CACNA1B: variants seen among roughly 807,000 people sequenced by gnomAD.
CACNA1B encodes voltage-dependent N-type calcium channel subunit alpha-1B.
In CACNA1B, 70 loss-of-function variants were observed where a neutral mutation model predicts 247.2. The ratio of observed to expected loss-of-function variants is 0.28; its 90% CI spans 0.23 to 0.35. The LOEUF (loss-of-function observed/expected upper bound fraction) is 0.35, where lower values mean the gene tolerates loss of function less well. Among genes scored for constraint, CACNA1B ranks in the 10% least tolerant of loss-of-function variants. The pLI is 1.00. For missense variants in CACNA1B, 2,367 were observed against 3,197.4 expected (o/e 0.74, Z 6.26); for synonymous variants, 1,231 against 1,294.4 (o/e 0.95, Z 1.05).
intron 3 of CACNA1B, among the ~76,000 whole-genome samples, chr9:137,910,126 A>G (rs1957344094): frequency 6.6e-6 from 1 of 152,116 alleles, no homozygotes; most frequent in Admixed American, 6.5e-5. Context: ...TTTGATGTTT[A>G]CTTCCCTAAT....
intron 6 of CACNA1B, among the ~76,000 whole-genome samples, chr9:137,925,996 C>T (rs1054725668): frequency 4.0e-4 from 60 of 151,102 alleles, no homozygotes; most frequent in Middle Eastern, 3.4e-3. Context: ...CCTCATGATC[C>T]GCCCACCTCG....
rs1470371862 is a variant in CACNA1B, at chr9:137,917,021, G to C, written c.776-220G>C. Among the ~76,000 whole-genome samples the C allele has an allele frequency of 1.3e-5, 2 of 152,140 alleles. No homozygotes were observed. The highest frequency in any genetic ancestry group is 4.8e-5 in the African/African-American group (2 of 41,434). Reference sequence around the variant, plus strand: ...AGGTTCCAGTAGGAGGGAGAGGCCAGCCGTTACTCCCTGAGTTGGTCACTC... The same window carrying C: ...AGGTTCCAGTAGGAGGGAGAGGCCACCCGTTACTCCCTGAGTTGGTCACTC... On this transcript the variant is annotated intron_variant, in intron 5 of 46. Transcript: ENST00000371372. This position sits in a 1 kb window ranked among gnomAD's most constrained non-coding sequence, Gnocchi z 5.5.
rs1199989978 is a variant in CACNA1B at position 138,058,928 on chromosome 9, T to C, written c.4474-151T>C. 1.4e-5 allele frequency: 10 copies of C among 711,784 alleles called. No individual in the cohort carries two copies. The East Asian group carries it at 2.7e-4, about 19-fold the overall frequency. 44.1% of individuals were successfully genotyped at this position (711,784 alleles called of 1,614,324 possible). ...CTGTGGGCTGGGACAGTGGGGAGGT[T>C]CTGGGAGGACTCGGGGAGAGCAGGA... is the stretch of plus-strand genomic sequence containing the variant. On this transcript the variant is annotated intron_variant, in intron 29 of 46. Transcript: ENST00000371372. The surrounding 1 kb of genome is among the most constrained non-coding windows in gnomAD (Gnocchi z 4.7).
chr9:138,000,323 C>T (rs1184931869), intron 15 of CACNA1B, among the ~76,000 whole-genome samples: 1 of 152,040 alleles, frequency 6.6e-6, no homozygotes, highest in Non-Finnish European at 1.5e-5. Flanking sequence ...TGGTCTCGAT[C>T]TCCTGACCTC....
At chr9:137,997,325 C>G in intron 15 of CACNA1B, among the ~76,000 whole-genome samples, 1 of 151,662 alleles carries the variant, frequency 6.6e-6, no homozygotes, top group East Asian at 1.9e-4. Flanking sequence ...CACAGTAGAA[C>G]AAGAAAAAAT....
At position 138,057,796 on chromosome 9, in the gene CACNA1B, G is replaced by A. The variant is rs765038596; in HGVS notation, c.4033G>A (p.Asp1345Asn). 3 of 1,612,826 alleles carry A rather than the reference G, an allele frequency of 1.9e-6. No homozygotes were observed. The highest frequency in any genetic ancestry group is 1.1e-5 in the South Asian group (1 of 90,828). Reference protein sequence around the residue: ...EAQPRQWKKYDFHYDNVLWAL... With the variant: ...EAQPRQWKKYNFHYDNVLWAL... Reference sequence around the variant, plus strand: ...TCAGCCCAGGCAGTGGAAGAAATACGACTTTCACTACGACAATGTGCTCTG... The same window carrying A: ...TCAGCCCAGGCAGTGGAAGAAATACAACTTTCACTACGACAATGTGCTCTG... The change falls in exon 27 of 47, where the codon GAC (aspartate) becomes AAC (asparagine). Residue 1345 changes from aspartate (D) to asparagine (N), a missense_variant. Coordinates refer to ENST00000371372, the MANE Select transcript of CACNA1B (RefSeq NM_000718.4). The surrounding 1 kb of genome is among the most constrained non-coding windows in gnomAD (Gnocchi z 4.0).
rs1186299083 is a variant in CACNA1B at position 138,068,476 on chromosome 9, C to T, written c.4669-1282C>T. 9.2e-6 allele frequency: 4 copies of T among 432,956 alleles called. No individual in the cohort carries two copies. The Admixed American group carries it at 9.8e-5, about 11-fold the overall frequency. 26.8% of individuals were successfully genotyped at this position (432,956 alleles called of 1,614,324 possible). A position where few individuals can be genotyped will look rare whatever the true frequency, so the allele number is the denominator to read the frequency against. ...AGAAAAATCAGAAAAGTTGAGTCCC[C>T]CTAGCACTGGTGTTGTGTTTCCCAG... is the stretch of plus-strand genomic sequence containing the variant. On this transcript the variant is annotated intron_variant, in intron 31 of 46. Transcript: ENST00000371372.
intron 6 of CACNA1B, among the ~76,000 whole-genome samples, chr9:137,920,515 G>C (rs573051412): frequency 6.6e-6 from 1 of 152,180 alleles, no homozygotes; most frequent in Non-Finnish European, 1.5e-5. Context: ...TTCAACTGCC[G>C]AGTTGAAACT....
chr9:138,052,150 C>T lies in CACNA1B; in HGVS notation c.3769C>T (p.Arg1257Trp), dbSNP rs1337180764. Residue 1257 changes from arginine to tryptophan, a missense_variant, in exon 25 of 47, where the codon CGG becomes TGG. By Grantham distance (101) the Arg-to-Trp change is moderately radical. Coordinates refer to ENST00000371372, the MANE Select transcript of CACNA1B (RefSeq NM_000718.4). The surrounding 1 kb of genome is among the most constrained non-coding windows in gnomAD (Gnocchi z 5.1). ...IKSLRVLRVL[R>W]PLKTIKRLPK... is the part of the protein sequence containing the mutation. ...GTCTCTGAGAGTCCTTCGTGTCCTG[C>T]GGCCCCTCAAGACCATCAAACGGCT... The T allele has an allele frequency of 6.2e-7, 1 of 1,611,662 alleles. No individual in the cohort carries two copies. The highest frequency in any genetic ancestry group is 8.5e-7 in the Non-Finnish European group (1 of 1,178,438).
At chr9:138,103,289 C>T (rs1419423895) in intron 38 of CACNA1B, among the ~76,000 whole-genome samples, 1 of 152,188 alleles carries the variant, frequency 6.6e-6, no homozygotes, top group Non-Finnish European at 1.5e-5. Flanking sequence ...CTGTACAACC[C>T]CCTCCCCAGC....
chr9:138,088,436 A>T (rs1355295001), intron 36 of CACNA1B, among the ~76,000 whole-genome samples: 1 of 152,160 alleles, frequency 6.6e-6, no homozygotes, highest in Non-Finnish European at 1.5e-5. Context: ...GCAAGAAAAT[A>T]TGCAAATAAA....
Position 137,971,585 on chromosome 9 carries a change from G to C in CACNA1B, c.1536G>C (p.Thr512=). 6.2e-7 allele frequency: 1 copy of C among 1,612,594 alleles called. No individual in the cohort carries two copies. The highest frequency in any genetic ancestry group is 8.5e-7 in the Non-Finnish European group (1 of 1,179,226). The change falls in exon 11 of 47, where the codon ACG becomes ACC. Residue 512 remains threonine, a synonymous_variant. Coordinates refer to ENST00000371372, the MANE Select transcript of CACNA1B (RefSeq NM_000718.4). The surrounding 1 kb of genome is among the most constrained non-coding windows in gnomAD (Gnocchi z 4.4). ...ACAACCAGCCGCGGCGGCTTACCAC[G>C]ACCCTGTGTACGTATCCCCGTCCCT... ...VHYNQPRRLT[T]TLYFAEFVFL...
intron 15 of CACNA1B, among the ~76,000 whole-genome samples, chr9:137,993,277 T>A (rs1017082329): frequency 6.6e-6 from 1 of 152,004 alleles, no homozygotes; most frequent in African/African-American, 2.4e-5. Context: ...AAAAGATAAA[T>A]TTTTTTAGTT....
At chr9:138,031,499 C>G (rs1958987659) in intron 20 of CACNA1B, among the ~76,000 whole-genome samples, 1 of 152,120 alleles carries the variant, frequency 6.6e-6, no homozygotes, top group South Asian at 2.1e-4. Context: ...GATGTGCATT[C>G]CTATAAGCAT....
chr9:137,898,848 A>T (rs1240422787), intron 3 of CACNA1B, among the ~76,000 whole-genome samples: 1 of 151,596 alleles, frequency 6.6e-6, no homozygotes, highest in African/African-American at 2.4e-5. Context: ...TGCCCACTTA[A>T]TTTTTTGTAT....
rs1449321402 is a variant in CACNA1B at position 137,975,845 on chromosome 9, G to T, written c.1544-62G>T. ...CCAGAGGTCTGGTGTCCTCCAGTCT[G>T]GGCTGGAGCCAGAGTGGGAGGAGGC... On this transcript the variant is annotated intron_variant, in intron 11 of 46. Transcript: ENST00000371372. The T allele has an allele frequency of 1.2e-5, 12 of 993,806 alleles. No individual in the cohort carries two copies. The East Asian group carries it at 3.0e-4, about 25-fold the overall frequency. The allele number at this position is 993,806 out of a possible 1,614,324, so 61.6% of individuals were successfully genotyped here. A position where few individuals can be genotyped will look rare whatever the true frequency, so the allele number is the denominator to read the frequency against.
At chr9:138,080,242 C>G (rs368755754) in intron 36 of CACNA1B, among the ~76,000 whole-genome samples, 10 of 151,996 alleles carry the variant, frequency 6.6e-5, no homozygotes, top group Non-Finnish European at 1.5e-4. Flanking sequence ...TTGTGCTGGA[C>G]GTGGGATCAA....
chr9:137,973,971 G>C lies in CACNA1B; in HGVS notation c.1544-1936G>C, dbSNP rs1958187272. ...TGGGTAGCCTCCCCTCCCAGATCTA[G>C]GGTGTGGGTGCCAGCAGTCCCATCT... On this transcript the variant is annotated intron_variant, in intron 11 of 46. Coordinates refer to ENST00000371372, the MANE Select transcript of CACNA1B (RefSeq NM_000718.4). This position sits in a 1 kb window ranked among gnomAD's most constrained non-coding sequence, Gnocchi z 4.1. 6.6e-6 allele frequency among the ~76,000 whole-genome samples: 1 copy of C among 152,208 alleles called. No homozygotes were observed. Among genetic ancestry groups the C allele is most frequent in the South Asian group, 2.1e-4 (1 of 4,830 alleles).
chr9:137,900,904 C>T (rs567264601), intron 3 of CACNA1B, among the ~76,000 whole-genome samples: 1 of 143,154 alleles, frequency 7.0e-6, no homozygotes, highest in South Asian at 2.3e-4. Flanking sequence ...TACCGTGTGT[C>T]CGTGTGTCTG....
Sources: gnomAD v4.1 joint callset for allele counts (sites outside exome capture counted in the v4.1 genomes callset) on GRCh38, gnomAD v4.1.1 for gene constraint, Gnocchi (gnomAD v3.1) non-coding constraint, MANE v1.5 for transcripts, NCBI Gene and HGNC (gene_info 2026-07-23, HGNC 2026-07-21) for gene names.